Variants in LMAN2L observed in about 807,000 individuals in gnomAD.
LMAN2L encodes lectin, mannose binding 2 like.
Under a neutral mutation model 44.3 loss-of-function variants are expected in LMAN2L, and 30 were observed. The ratio of observed to expected loss-of-function variants is 0.68; its 90% CI spans 0.51 to 0.92. The LOEUF (loss-of-function observed/expected upper bound fraction) is 0.92. Ranked by LOEUF, LMAN2L falls within the 40% of genes least tolerant of loss-of-function variation. The pLI is 0.00. For synonymous variants in LMAN2L, 183 were observed against 171.1 expected, an observed-to-expected ratio of 1.07 and a Z score of -0.54; for missense variants, 429 against 446.1, an observed-to-expected ratio of 0.96 and a Z score of 0.35.
chr2:96,726,780 T>C (rs922919463), intron 4 of LMAN2L, among the ~76,000 whole-genome samples: 1 of 150,184 alleles, frequency 6.7e-6, no homozygotes, highest in African/African-American at 2.5e-5. Flanking sequence ...CAAGATTCTG[T>C]CTCAAAAAAA....
intron 6 of LMAN2L, among the ~76,000 whole-genome samples, chr2:96,710,534 C>G (rs1413402777): frequency 6.6e-6 from 1 of 151,964 alleles, no homozygotes; most frequent in African/African-American, 2.4e-5. Context: ...GGCGTGGTGG[C>G]GCGCCTGTAG....
chr2:96,733,068 G>A (rs1435781212), intron 4 of LMAN2L, among the ~76,000 whole-genome samples: 1 of 152,056 alleles, frequency 6.6e-6, no homozygotes, highest in Non-Finnish European at 1.5e-5. Context: ...CTTTTCTATA[G>A]GCGAGGAGAA....
intron 6 of LMAN2L, among the ~76,000 whole-genome samples, chr2:96,711,421 G>A (rs1267578177): frequency 1.3e-5 from 2 of 152,200 alleles, no homozygotes. Flanking sequence ...CTTAATGAAG[G>A]GACAAACACT....
Position 96,734,462 on chromosome 2 carries a change from T to G in LMAN2L, c.371A>C (p.Asn124Thr). 2 of 1,614,020 alleles carry G rather than the reference T, an allele frequency of 1.2e-6. No individual in the cohort carries two copies. The highest frequency in any genetic ancestry group is 2.2e-5 in the East Asian group (1 of 44,880). The part of the protein sequence containing the change: ...HFKIHGQGKK[N>T]LHGDGLAIWY... ...GATTGCCAAGCCATCCCCATGCAGA[T>G]TCTTCTTTCCTTGTCCATGGATTTT... is the stretch of plus-strand genomic sequence containing the variant. Residue 124 changes from asparagine to threonine, a missense_variant, in exon 3 of 8, where the codon AAT becomes ACT. Physicochemically the swap from Asn to Thr is moderately conservative, Grantham distance 65 (BLOSUM62 0). Transcript: ENST00000264963.
In LMAN2L at chr2:96,734,544, T is replaced by A. The variant is rs1302291936; in HGVS notation, c.307-18A>T. 6.8e-7 allele frequency: 1 copy of A among 1,473,900 alleles called. No homozygotes were observed. 91.3% of individuals were successfully genotyped at this position (1,473,900 alleles called of 1,614,324 possible). On this transcript the variant is annotated intron_variant, in intron 2 of 7. Transcript: ENST00000264963. ...AAACATGGCTAAAGTGAGAAAGACA[T>A]TAGAATCAATGAGGAGCATGAAATG...
At chr2:96,710,173 C>G (rs2077881858) in intron 6 of LMAN2L, among the ~76,000 whole-genome samples, 1 of 152,162 alleles carries the variant, frequency 6.6e-6, no homozygotes, top group African/African-American at 2.4e-5. Flanking sequence ...GGGAGGAATA[C>G]TGCAAAGGGG....
chr2:96,714,635 G>A (rs1011078632), intron 4 of LMAN2L, among the ~76,000 whole-genome samples: 3 of 152,238 alleles, frequency 2.0e-5, no homozygotes, highest in African/African-American at 4.8e-5. Flanking sequence ...GAGCTCTGAT[G>A]AGCCCAAGGC....
intron 4 of LMAN2L, among the ~76,000 whole-genome samples, chr2:96,715,354 C>T (rs1041572989): frequency 1.3e-5 from 2 of 152,238 alleles, no homozygotes; most frequent in African/African-American, 2.4e-5. Context: ...CTGTCTACTT[C>T]GGCAACACGA....
chr2:96,715,603 C>CTGTTTTATCTGTTTTA (rs2078024521), intron 4 of LMAN2L, among the ~76,000 whole-genome samples: 1 of 152,222 alleles, frequency 6.6e-6, no homozygotes, highest in Non-Finnish European at 1.5e-5. Flanking sequence ...AAAGGAGAAA[C>CTGTTTTATCTGTTTTA]TCTCACCTGT....
intron 4 of LMAN2L, among the ~76,000 whole-genome samples, chr2:96,725,132 A>G (rs2078242220): frequency 6.6e-6 from 1 of 151,670 alleles, no homozygotes; most frequent in African/African-American, 2.4e-5. Flanking sequence ...CGCCCGGCCT[A>G]TATTTTTAAT....
intron 4 of LMAN2L, chr2:96,713,086 G>A: frequency 1.9e-6 from 3 of 1,548,270 alleles, no homozygotes; most frequent in Non-Finnish European, 2.6e-6. Context: ...GGATGCTCAT[G>A]ATGAGCCAAG....
At chr2:96,722,892 C>T (rs970008552) in intron 4 of LMAN2L, among the ~76,000 whole-genome samples, 3 of 152,058 alleles carry the variant, frequency 2.0e-5, no homozygotes, top group African/African-American at 4.8e-5. Context: ...TGGTGGCAGG[C>T]GCCTGTAATC....
chr2:96,711,985 G>A lies in LMAN2L; in HGVS notation c.548C>T (p.Ser183Phe), dbSNP rs1227125764. The A allele has an allele frequency of 6.2e-7, 1 of 1,614,212 alleles. No individual in the cohort carries two copies. Among genetic ancestry groups the A allele is most frequent in the South Asian group, 1.1e-5 (1 of 91,090 alleles). The change falls in exon 5 of 8, where the codon TCC (serine) becomes TTC (phenylalanine). Residue 183 changes from serine (S) to phenylalanine (F), a missense_variant. Coordinates refer to ENST00000264963, the MANE Select transcript of LMAN2L (RefSeq NM_030805.4). ...PYISAMVNNG[S>F]LSYDHERDGR... ...ATCCCGCTCATGATCATAGCTGAGG[G>A]AGCCGTTGTTCACCATGGCTGAGAT...
At position 96,707,395 on chromosome 2, in the gene LMAN2L, G is replaced by A. The variant is rs749185359; in HGVS notation, c.908C>T (p.Thr303Ile). Residue 303 changes from threonine (T) to isoleucine (I), a missense_variant, in exon 8 of 8, where the codon ACA (threonine) becomes ATA (isoleucine). Thr to Ile is a moderately conservative substitution (Grantham distance 89). Coordinates refer to ENST00000264963, the MANE Select transcript of LMAN2L (RefSeq NM_030805.4). ...GCCACTCAGGGGCGGCAGTGGAGCT[G>A]TCACTGAGGAAGCAAGAGAGAAGCA... ...SVDNMKLPEM[T>I]APLPPLSGLA... The A allele has an allele frequency of 3.1e-6, 5 of 1,610,568 alleles. No homozygotes were observed. The highest frequency in any genetic ancestry group is 4.2e-6 in the Non-Finnish European group (5 of 1,178,454).
rs1041727647 is a variant in LMAN2L at position 96,739,931 on chromosome 2, T to C, written c.110A>G (p.Gln37Arg). Residue 37 changes from glutamine (Q) to arginine (R), a missense_variant, in exon 1 of 8, where the codon CAG (glutamine) becomes CGG (arginine). Physicochemically the swap from Gln to Arg is conservative, Grantham distance 43. Coordinates refer to ENST00000264963, the MANE Select transcript of LMAN2L (RefSeq NM_030805.4). ...ACCCGCCCCGACTTGCTGTGGCCCC[T>C]GCCCAGACCCCAACAAAAGAAGAAG... ...LLLLLLLGSG[Q>R]GPQQVGAGQT... The C allele has an allele frequency of 1.2e-6, 2 of 1,614,098 alleles. No individual in the cohort carries two copies. The highest frequency in any genetic ancestry group is 1.7e-6 in the Non-Finnish European group (2 of 1,180,028).
At chr2:96,722,715 C>T (rs990196734) in intron 4 of LMAN2L, among the ~76,000 whole-genome samples, 1 of 152,170 alleles carries the variant, frequency 6.6e-6, no homozygotes, top group Non-Finnish European at 1.5e-5. Context: ...CTGCTATGAA[C>T]ATTCATATAA....
In LMAN2L at chr2:96,711,887, G is replaced by C; in HGVS notation, c.646C>G (p.Arg216Gly). The C allele has an allele frequency of 6.2e-7, 1 of 1,614,208 alleles. No individual in the cohort carries two copies. The highest frequency in any genetic ancestry group is 8.5e-7 in the Non-Finnish European group (1 of 1,180,042). Residue 216 changes from arginine (R) to glycine (G), a missense_variant, in exon 5 of 8, where the codon CGC becomes GGC. Transcript: ENST00000264963. ...NLHYDTFLVI[R>G]YVKRHLTIMM... ...ACCGTCAAATGCCTCTTGACGTAGC[G>C]AATCACCAGGAAGGTGTCGTAATGA...
intron 4 of LMAN2L, among the ~76,000 whole-genome samples, chr2:96,726,951 G>A (rs1224073019): frequency 3.3e-5 from 5 of 151,982 alleles, no homozygotes; most frequent in Non-Finnish European, 7.4e-5. Context: ...AGGTGTGGTG[G>A]TGCACGTCTG....
At chr2:96,737,901 T>A in intron 2 of LMAN2L, 48 bp downstream of exon 2, 1 of 1,214,548 alleles carries the variant, frequency 8.2e-7, no homozygotes. Flanking sequence ...CTGCTGAACT[T>A]TTTAGGCCTT....
Sources: allele counts gnomAD v4.1 joint callset (sites outside exome capture counted in the v4.1 genomes callset), GRCh38; gene constraint gnomAD v4.1.1; transcripts MANE v1.5; gene names NCBI Gene and HGNC (gene_info 2026-07-23, HGNC 2026-07-21).